The following TTC17 variants were observed in gnomAD, a reference collection of about 807,000 sequenced individuals.
TTC17 encodes the protein tetratricopeptide repeat domain 17.
A neutral mutation model predicts 143.8 loss-of-function variants in TTC17; 58 were observed. That is an observed-to-expected ratio of 0.40 (90% CI 0.33 to 0.50). The LOEUF (loss-of-function observed/expected upper bound fraction) is 0.50, where lower values mean the gene tolerates loss of function less well. Among genes scored for constraint, TTC17 ranks in the 20% least tolerant of loss-of-function variants. The pLI is 0.49. For missense variants in TTC17, 1,273 were observed against 1,392.5 expected, an observed-to-expected ratio of 0.91 and a Z score of 1.37; for synonymous variants, 501 against 497.8, an observed-to-expected ratio of 1.01 and a Z score of -0.09.
chr11:43,366,362 C>A (rs1012898413), intron 1 of TTC17, among the ~76,000 whole-genome samples: 4 of 151,816 alleles, frequency 2.6e-5, no homozygotes, highest in Admixed American at 2.0e-4. Flanking sequence ...AAAAATTAGC[C>A]GGGCATGGTG....
chr11:43,473,424 A>T (rs189982517), intron 21 of TTC17, among the ~76,000 whole-genome samples: 4 of 152,344 alleles, frequency 2.6e-5, no homozygotes, highest in African/African-American at 9.6e-5. Flanking sequence ...AACGTCAGTG[A>T]TCTATGCTTC....
chr11:43,373,064 T>G (rs1007625752), intron 1 of TTC17, among the ~76,000 whole-genome samples: 9 of 152,304 alleles, frequency 5.9e-5, no homozygotes, highest in Non-Finnish European at 7.4e-5. Context: ...TGACATGATA[T>G]ATATCTAACA....
chr11:43,424,920 C>CA (rs1946990744), intron 16 of TTC17, among the ~76,000 whole-genome samples: 1 of 152,090 alleles, frequency 6.6e-6, no homozygotes, highest in South Asian at 2.1e-4. Context: ...AGTCATTTAA[C>CA]AAGGTATTTT....
At chr11:43,359,219 A>G in intron 1 of TTC17, 106 bp downstream of exon 1, 3 of 1,367,448 alleles carry the variant, frequency 2.2e-6, no homozygotes, top group Non-Finnish European at 2.9e-6. Flanking sequence ...CCCCCAGCCT[A>G]CCCTCACAGG....
intron 16 of TTC17, among the ~76,000 whole-genome samples, chr11:43,418,169 T>C (rs1323420638): frequency 2.6e-5 from 4 of 152,238 alleles, no homozygotes; most frequent in Admixed American, 6.5e-5. Context: ...GTATTATTTA[T>C]CTGACAATGT....
rs1590367216 is a variant in TTC17 at position 43,405,684 on chromosome 11, G to A, written c.1595+55G>A. ...TGATTCTGCATGATTGTCATCTAGCGGTTCTTTGAGAGCACCAGCCTTGGA... is the reference window on the plus strand; with the variant it reads ...TGATTCTGCATGATTGTCATCTAGCAGTTCTTTGAGAGCACCAGCCTTGGA... On this transcript the variant is annotated intron_variant, in intron 12 of 23. Coordinates refer to ENST00000039989, the MANE Select transcript of TTC17 (RefSeq NM_018259.6). 42 of 1,610,452 alleles carry A rather than the reference G, an allele frequency of 2.6e-5. 1 individual carries two copies. The highest frequency in any genetic ancestry group is 2.5e-4 in the East Asian group (11 of 44,836).
intron 2 of TTC17, 136 bp downstream of exon 2, chr11:43,379,458 ATGTG>A (rs72448738): frequency 3.1e-4 from 193 of 620,586 alleles, no homozygotes; most frequent in Non-Finnish European, 3.9e-4. Flanking sequence ...ACTACCTGCA[ATGTG>A]TGTGTGTGTG....
chr11:43,480,901 A>G (rs995136791), intron 21 of TTC17, among the ~76,000 whole-genome samples: 8 of 150,700 alleles, frequency 5.3e-5, no homozygotes, highest in African/African-American at 1.9e-4. Context: ...AAAAAAAAAA[A>G]GCATTCAAGA....
Position 43,448,061 on chromosome 11 carries a change from C to T in TTC17, c.2725C>T (p.Arg909Cys), listed in dbSNP as rs747480720. 2.2e-5 allele frequency: 35 copies of T among 1,614,034 alleles called. No homozygotes were observed. Among genetic ancestry groups the T allele is most frequent in the Non-Finnish European group, 2.3e-5 (27 of 1,180,010 alleles). The change falls in exon 19 of 24, where the codon CGC becomes TGC. Residue 909 changes from arginine to cysteine, a missense_variant. Around this residue, in one of 3 missense-constraint regions of TTC17, gnomAD observed 878 missense variants for 899.8 expected, o/e 0.98. Transcript: ENST00000039989. ...CAGCCCGGACGAATGCCTCAAACTCCGCTGGGTAGAGCTGACTGCCATCGT... is the reference window on the plus strand; with the variant it reads ...CAGCCCGGACGAATGCCTCAAACTCTGCTGGGTAGAGCTGACTGCCATCGT... ...WPSPDECLKL[R>C]WVELTAIVST...
Position 43,387,741 on chromosome 11 carries a change from G to A in TTC17, c.250-1911G>A, listed in dbSNP as rs567480437. On this transcript the variant is annotated intron_variant, in intron 2 of 23. Transcript: ENST00000039989. ...CCTTTCCTATAAAAGGGTCACATGG[G>A]ACTTATGTTACATTGGCCAAAGCAA... 4.6e-5 allele frequency among the ~76,000 whole-genome samples: 7 copies of A among 151,228 alleles called. No homozygotes were observed. In the South Asian group the frequency reaches 1.5e-3, roughly 32 times the overall value.
chr11:43,472,395 A>C (rs1484438062), intron 21 of TTC17, among the ~76,000 whole-genome samples: 1 of 152,204 alleles, frequency 6.6e-6, no homozygotes, highest in African/African-American at 2.4e-5. Context: ...AAGTTGGTGT[A>C]GTTATACTAA....
intron 16 of TTC17, among the ~76,000 whole-genome samples, chr11:43,424,343 C>G (rs1459835685): frequency 6.6e-6 from 1 of 151,916 alleles, no homozygotes; most frequent in Non-Finnish European, 1.5e-5. Context: ...ATCCACCTGC[C>G]TCAGCCTTCC....
chr11:43,358,947 G>T lies in TTC17; in HGVS notation c.-8G>T, dbSNP rs1378368538. On this transcript the variant is annotated 5_prime_UTR_variant, in exon 1 of 24. Transcript: ENST00000039989. ...TTCCGGTGTGAGCGGCCCGGCCGGG[G>T]GGGCAAGATGGCGGCGGCAGTAGGG... is the stretch of plus-strand genomic sequence containing the variant. 4 of 1,569,910 alleles carry T rather than the reference G, an allele frequency of 2.5e-6. No individual in the cohort carries two copies. The African/African-American group carries it at 4.2e-5, about 16-fold the overall frequency.
chr11:43,476,163 T>G (rs1159742323), intron 21 of TTC17, among the ~76,000 whole-genome samples: 1 of 152,196 alleles, frequency 6.6e-6, no homozygotes, highest in East Asian at 1.9e-4. Context: ...GGTGAACCAG[T>G]TTTCCTTGGA....
At chr11:43,464,395 G>T (rs1947930965) in intron 21 of TTC17, among the ~76,000 whole-genome samples, 1 of 151,990 alleles carries the variant, frequency 6.6e-6, no homozygotes, top group Admixed American at 6.6e-5. Context: ...CAAATAAAAT[G>T]CATGGGAATT....
At chr11:43,396,956 A>C (rs1172514742) in intron 6 of TTC17, 138 bp downstream of exon 6, 2 of 459,256 alleles carry the variant, frequency 4.4e-6, no homozygotes, top group Admixed American at 3.9e-5. Flanking sequence ...AAGTCCCACC[A>C]CAAAAAAAAA....
At chr11:43,388,246 A>G (rs374221872) in intron 2 of TTC17, among the ~76,000 whole-genome samples, 1 of 152,218 alleles carries the variant, frequency 6.6e-6, no homozygotes, top group South Asian at 2.1e-4. Flanking sequence ...ATTTAGAGCT[A>G]TCCTGACTAA....
chr11:43,361,434 A>G (rs1217774045), intron 1 of TTC17, among the ~76,000 whole-genome samples: 1 of 152,230 alleles, frequency 6.6e-6, no homozygotes. Context: ...TAATGTACCT[A>G]CCAAACATTG....
chr11:43,427,304 A>G (rs1035031709), intron 16 of TTC17, among the ~76,000 whole-genome samples: 1 of 152,168 alleles, frequency 6.6e-6, no homozygotes. Flanking sequence ...GACTGTTTGT[A>G]TGCTTGTTCT....
Sources: gnomAD v4.1 joint callset for allele counts (sites outside exome capture counted in the v4.1 genomes callset) on GRCh38, gnomAD v4.1.1 for gene constraint, gnomAD v4.1.1 regional missense constraint, MANE v1.5 for transcripts, NCBI Gene and HGNC (gene_info 2026-07-23, HGNC 2026-07-21) for gene names.